PLPPR1: variants seen among roughly 807,000 people sequenced by gnomAD.
PLPPR1 encodes phospholipid phosphatase-related protein type 1.
A neutral mutation model predicts 33.1 loss-of-function variants in PLPPR1; 10 were observed. The ratio of observed to expected loss-of-function variants is 0.30; its 90% confidence interval spans 0.19 to 0.51. The LOEUF (loss-of-function observed/expected upper bound fraction) is 0.51. Ranked by LOEUF, PLPPR1 falls within the 20% of genes least tolerant of loss-of-function variation. The pLI is 0.97. For missense variants in PLPPR1, 304 were observed against 408.1 expected (o/e 0.74, Z 2.20); for synonymous variants, 151 against 151.0 (o/e 1.00, Z 0.00).
intron 1 of PLPPR1, among the ~76,000 whole-genome samples, chr9:101,178,684 C>T (rs1172390836): frequency 6.6e-6 from 1 of 152,152 alleles, no homozygotes; most frequent in Non-Finnish European, 1.5e-5. Flanking sequence ...TTGGAAGTCA[C>T]AATTACAATG....
chr9:101,032,836 A>T (rs1473745159), intron 1 of PLPPR1, among the ~76,000 whole-genome samples: 2 of 152,170 alleles, frequency 1.3e-5, no homozygotes, highest in Admixed American at 6.5e-5. Flanking sequence ...AGTGCCACTA[A>T]GAAATAGCAT....
intron 2 of PLPPR1, among the ~76,000 whole-genome samples, chr9:101,256,471 C>T (rs558270268): frequency 3.3e-5 from 5 of 152,132 alleles, no homozygotes; most frequent in East Asian, 1.9e-4. Context: ...CCATATTTTT[C>T]GAGGGTTCAG....
chr9:101,148,075 C>T (rs1393428036), intron 1 of PLPPR1, among the ~76,000 whole-genome samples: 2 of 152,060 alleles, frequency 1.3e-5, no homozygotes, highest in South Asian at 2.1e-4. Flanking sequence ...TCCAAGTGGA[C>T]GGAATGGAGT....
chr9:101,197,935 G>GT (rs1451099329), intron 2 of PLPPR1, among the ~76,000 whole-genome samples: 1 of 152,020 alleles, frequency 6.6e-6, no homozygotes, highest in East Asian at 1.9e-4. Context: ...ATACCCAATT[G>GT]TTTTTACAAG....
chr9:101,294,905 C>G (rs1828592434), intron 4 of PLPPR1, among the ~76,000 whole-genome samples: 1 of 152,170 alleles, frequency 6.6e-6, no homozygotes, highest in Admixed American at 6.5e-5. Context: ...ACAGGGATTC[C>G]CTGTCTACTA....
At chr9:101,186,329 T>TC (rs1826202663) in intron 2 of PLPPR1, among the ~76,000 whole-genome samples, 1 of 149,600 alleles carries the variant, frequency 6.7e-6, no homozygotes, top group South Asian at 2.1e-4. Context: ...AGTGGATCGG[T>TC]TTTTTTTTAG....
chr9:101,243,722 G>A (rs751605250), intron 2 of PLPPR1, among the ~76,000 whole-genome samples: 20 of 151,976 alleles, frequency 1.3e-4, no homozygotes, highest in Non-Finnish European at 2.8e-4. Flanking sequence ...TAGAGCTCAA[G>A]AGAGTGTTTT....
intron 1 of PLPPR1, among the ~76,000 whole-genome samples, chr9:101,051,430 A>C (rs1830221956): frequency 6.6e-6 from 1 of 152,128 alleles, no homozygotes; most frequent in Non-Finnish European, 1.5e-5. Flanking sequence ...AGTAAGCCCC[A>C]GACTTTCTTC....
intron 2 of PLPPR1, among the ~76,000 whole-genome samples, chr9:101,230,680 C>T (rs1483029047): frequency 6.6e-6 from 1 of 151,994 alleles, no homozygotes; most frequent in African/African-American, 2.4e-5. Context: ...TAATGAGGGA[C>T]TATTTTGATC....
intron 1 of PLPPR1, among the ~76,000 whole-genome samples, chr9:101,080,317 G>A (rs541253447): frequency 6.6e-5 from 10 of 152,058 alleles, no homozygotes; most frequent in Non-Finnish European, 1.0e-4. Context: ...TACCCTAAGA[G>A]TTCAAGACCA....
At chr9:101,146,421 C>T (rs1831522683) in intron 1 of PLPPR1, among the ~76,000 whole-genome samples, 1 of 152,158 alleles carries the variant, frequency 6.6e-6, no homozygotes, top group South Asian at 2.1e-4. Context: ...AAGTATAGGT[C>T]TCCTAGAACA....
At chr9:101,251,043 CAA>C (rs1256839204) in intron 2 of PLPPR1, among the ~76,000 whole-genome samples, 2 of 152,068 alleles carry the variant, frequency 1.3e-5, no homozygotes, top group African/African-American at 4.8e-5. Context: ...TGTCTCTAAC[CAA>C]GAACTTTCTT....
At chr9:101,199,087 ATATTCC>A (rs1176122084) in intron 2 of PLPPR1, among the ~76,000 whole-genome samples, 1 of 152,358 alleles carries the variant, frequency 6.6e-6, no homozygotes, top group Non-Finnish European at 1.5e-5. Context: ...AATAGATACC[ATATTCC>A]TTCAGACTGC....
chr9:101,070,446 A>G (rs10989369), intron 1 of PLPPR1, among the ~76,000 whole-genome samples: 3,464 of 152,116 alleles, frequency 0.023, 63 homozygotes, highest in Non-Finnish European at 0.036. Flanking sequence ...AAAAACCAGA[A>G]AAGGAAGAAT....
intron 2 of PLPPR1, among the ~76,000 whole-genome samples, chr9:101,251,337 T>G (rs749536040): frequency 6.1e-4 from 92 of 152,052 alleles, no homozygotes; most frequent in Non-Finnish European, 1.6e-4. Context: ...TTTGCTTTAT[T>G]ATGAGAGAGT....
chr9:101,113,645 A>C (rs959884741), intron 1 of PLPPR1, among the ~76,000 whole-genome samples: 1 of 152,158 alleles, frequency 6.6e-6, no homozygotes, highest in Non-Finnish European at 1.5e-5. Context: ...AAAACAAAAA[A>C]CAAAAAACAA....
chr9:101,239,015 A>G (rs1352090548), intron 2 of PLPPR1, among the ~76,000 whole-genome samples: 2 of 150,220 alleles, frequency 1.3e-5, no homozygotes, highest in East Asian at 4.0e-4. Context: ...TTAACATAAT[A>G]TCCTCAAGGC....
intron 1 of PLPPR1, among the ~76,000 whole-genome samples, chr9:101,057,139 T>C (rs1053650505): frequency 4.6e-5 from 7 of 152,224 alleles, no homozygotes; most frequent in Non-Finnish European, 1.0e-4. Flanking sequence ...ACTTAGTTCA[T>C]TGCTTAGCAT....
intron 1 of PLPPR1, among the ~76,000 whole-genome samples, chr9:101,107,949 G>C (rs1830997042): frequency 6.6e-6 from 1 of 150,778 alleles, no homozygotes; most frequent in Non-Finnish European, 1.5e-5. Flanking sequence ...GACTCGGAAA[G>C]GGAACTCCCT....
Sources: gnomAD v4.1 joint callset for allele counts (sites outside exome capture counted in the v4.1 genomes callset) on GRCh38, gnomAD v4.1.1 for gene constraint, MANE v1.5 for transcripts, NCBI Gene and HGNC (gene_info 2026-07-23, HGNC 2026-07-21) for gene names.